H2AZ2: variants seen among roughly 807,000 people sequenced by gnomAD.
H2AZ2 encodes the protein H2A.Z variant histone 2.
A neutral mutation model predicts 15.5 loss-of-function variants in H2AZ2; 5 were observed. That is an observed-to-expected ratio of 0.32 (90% CI 0.17 to 0.68). The LOEUF (loss-of-function observed/expected upper bound fraction) is 0.68. H2AZ2 is among the 30% of genes least tolerant of loss of function. The pLI, the probability that H2AZ2 is intolerant of heterozygous loss-of-function variation, is 0.72. For synonymous variants in H2AZ2, 44 were observed against 57.4 expected (o/e 0.77, Z 1.05); for missense variants, 42 against 162.5 (o/e 0.26, Z 4.03).
chr7:44,831,782 A>G (rs568846548), downstream of H2AZ2, among the ~76,000 whole-genome samples: 27 of 152,348 alleles, frequency 1.8e-4, no homozygotes, highest in African/African-American at 6.0e-4. Flanking sequence ...AAATATCATT[A>G]ATGATGGCTA....
chr7:44,844,109 A>AGGT (rs1583721181), intron 1 of H2AZ2, among the ~76,000 whole-genome samples: 2 of 152,180 alleles, frequency 1.3e-5, no homozygotes, highest in East Asian at 3.9e-4. Flanking sequence ...TTCCACTTCT[A>AGGT]GGTATACACC....
At chr7:44,841,066 A>G in intron 2 of H2AZ2, 54 bp from the exon 3 acceptor site, 1 of 1,286,764 alleles carries the variant, frequency 7.8e-7, no homozygotes, top group Non-Finnish European at 1.1e-6. Context: ...CATTGCACTG[A>G]CTGTAATCAA....
At chr7:44,841,133 C>A (rs1793265660) in intron 2 of H2AZ2, 121 bp from the exon 3 acceptor site, 3 of 689,214 alleles carry the variant, frequency 4.4e-6, no homozygotes, top group Non-Finnish European at 7.5e-6. Flanking sequence ...TATCAGAAGC[C>A]AAACCTATTA....
At position 44,844,445 on chromosome 7, in the gene H2AZ2, C is replaced by G. The variant is rs182137824; in HGVS notation, c.4-1091G>C. 3.9e-4 allele frequency among the ~76,000 whole-genome samples: 60 copies of G among 152,244 alleles called. 1 individual carries two copies. Among genetic ancestry groups the G allele is most frequent in the African/African-American group, 1.3e-3 (56 of 41,540 alleles). On this transcript the variant is annotated intron_variant, in intron 1 of 4. Coordinates refer to ENST00000308153, the MANE Select transcript of H2AZ2 (RefSeq NM_012412.5). ...TGTGGTTGCCAGGGGTAGCTGCCTC[C>G]TGGGTTCAAGTGATTCTCCTGCCTC...
chr7:44,843,731 G>T (rs1793332571), intron 1 of H2AZ2, among the ~76,000 whole-genome samples: 1 of 151,972 alleles, frequency 6.6e-6, no homozygotes. Flanking sequence ...GCTAATTTTT[G>T]TATTTTTAGT....
chr7:44,837,681 C>G (rs747449012), intron 3 of H2AZ2, among the ~76,000 whole-genome samples: 1 of 151,782 alleles, frequency 6.6e-6, no homozygotes, highest in Non-Finnish European at 1.5e-5. Flanking sequence ...TTTGTAGAGA[C>G]AGGGTTTTGC....
At chr7:44,843,175 A>AAAAAAAAATT in intron 2 of H2AZ2, 102 bp downstream of exon 2, 1 of 281,208 alleles carries the variant, frequency 3.6e-6, no homozygotes, top group Non-Finnish European at 6.7e-6. Context: ...AAAAAAAAAA[A>AAAAAAAAATT]GTCTGTAGTA....
chr7:44,846,770 T>C (rs1029320734), intron 1 of H2AZ2, among the ~76,000 whole-genome samples: 3 of 152,066 alleles, frequency 2.0e-5, no homozygotes, highest in Admixed American at 1.3e-4. Flanking sequence ...ATAAAGTACT[T>C]TACAATAACA....
chr7:44,843,986 A>G (rs537164751), intron 1 of H2AZ2, among the ~76,000 whole-genome samples: 45 of 152,216 alleles, frequency 3.0e-4, no homozygotes, highest in African/African-American at 1.1e-3. Context: ...TGTAACATAT[A>G]TTACTTCCAC....
chr7:44,830,276 G>A, downstream of H2AZ2: 1 of 1,001,444 alleles, frequency 1.0e-6, no homozygotes, highest in Non-Finnish European at 1.5e-6. Flanking sequence ...GTTAACTATA[G>A]ATATAGGTGG....
downstream of H2AZ2, chr7:44,829,959 C>A (rs1792978659): frequency 1.9e-6 from 1 of 517,066 alleles, no homozygotes; most frequent in Non-Finnish European, 3.5e-6. Context: ...TACTTTAAAT[C>A]AAAGCTGCTC....
In H2AZ2 at chr7:44,833,052, G is replaced by T. The variant is rs1333297972; in HGVS notation, c.*1449C>A. Among the ~76,000 whole-genome samples the T allele has an allele frequency of 1.3e-5, 2 of 151,950 alleles. No individual in the cohort carries two copies. Among genetic ancestry groups the T allele is most frequent in the Non-Finnish European group, 2.9e-5 (2 of 67,984 alleles). ...ATGACTAAGAGACTACTAAAAGTTG[G>T]GATTTTTTTTTTTGAGACAGAGTCA... On this transcript the variant is annotated 3_prime_UTR_variant, in exon 5 of 5. Transcript: ENST00000308153.
intron 1 of H2AZ2, among the ~76,000 whole-genome samples, chr7:44,847,545 G>C (rs1341052444): frequency 6.6e-6 from 1 of 152,140 alleles, no homozygotes; most frequent in East Asian, 1.9e-4. Context: ...TGACTGCCAG[G>C]GAGATTACGT....
intron 2 of H2AZ2, among the ~76,000 whole-genome samples, chr7:44,841,425 TTA>T (rs1355113041): frequency 6.6e-6 from 1 of 152,200 alleles, no homozygotes; most frequent in African/African-American, 2.4e-5. Context: ...ATCAATACTA[TTA>T]TCTCATTGTG....
intron 1 of H2AZ2, 59 bp downstream of exon 1, chr7:44,847,910 G>A (rs747856320): frequency 2.5e-5 from 38 of 1,531,374 alleles, no homozygotes; most frequent in Non-Finnish European, 3.1e-5. Flanking sequence ...GCCGACGCCA[G>A]GGCCTCCGCG....
downstream of H2AZ2, chr7:44,830,007 C>T (rs780859168): frequency 2.1e-5 from 14 of 673,014 alleles, no homozygotes; most frequent in African/African-American, 3.7e-5. Context: ...ATTGAATTCA[C>T]GTATCTGAGA....
intron 1 of H2AZ2, among the ~76,000 whole-genome samples, chr7:44,846,305 G>A (rs1398039818): frequency 6.6e-6 from 1 of 152,098 alleles, no homozygotes; most frequent in African/African-American, 2.4e-5. Context: ...CGTATCACTA[G>A]AGATTGAAAA....
rs755853800 is a variant in H2AZ2 at position 44,835,666 on chromosome 7, G to A, written c.196-8C>T. 8 of 1,584,186 alleles carry A rather than the reference G, an allele frequency of 5.0e-6. No homozygotes were observed. The South Asian group carries it at 9.2e-5, about 18-fold the overall frequency. ...ACCTGCCAGCTCCAGCACCTACAAAGCATCCATGATTAGCATATCAAATGA... is the reference window on the plus strand; with the variant it reads ...ACCTGCCAGCTCCAGCACCTACAAAACATCCATGATTAGCATATCAAATGA... On this transcript the variant is annotated splice_region_variant and splice_polypyrimidine_tract_variant and intron_variant, in intron 3 of 4. Coordinates refer to ENST00000308153, the MANE Select transcript of H2AZ2 (RefSeq NM_012412.5).
chr7:44,841,571 G>A (rs549191185), intron 2 of H2AZ2, among the ~76,000 whole-genome samples: 73 of 152,110 alleles, frequency 4.8e-4, no homozygotes, highest in African/African-American at 1.7e-3. Context: ...GTGCAGTGGC[G>A]CCATCTTGGC....
Sources: gnomAD v4.1 joint callset for allele counts (sites outside exome capture counted in the v4.1 genomes callset) on GRCh38, gnomAD v4.1.1 for gene constraint, MANE v1.5 for transcripts, NCBI Gene and HGNC (gene_info 2026-07-23, HGNC 2026-07-21) for gene names.